Variants in CASP5 observed in about 807,000 individuals in gnomAD.
CASP5 encodes caspase-5.
Under a neutral mutation model 45.2 loss-of-function variants are expected in CASP5, and 42 were observed. The ratio of observed to expected loss-of-function variants is 0.93; its 90% CI spans 0.73 to 1.20. The LOEUF (loss-of-function observed/expected upper bound fraction) is 1.20. Among genes scored for constraint, CASP5 ranks in the 50% most tolerant of loss-of-function variants. The pLI is 0.00. For synonymous variants in CASP5, 209 were observed against 186.2 expected, an observed-to-expected ratio of 1.12 and a Z score of -1.00; for missense variants, 512 against 532.2, an observed-to-expected ratio of 0.96 and a Z score of 0.37.
chr11:105,020,241 T>G (rs1421044179), intron 1 of CASP5, among the ~76,000 whole-genome samples: 9 of 149,946 alleles, frequency 6.0e-5, no homozygotes, highest in East Asian at 2.0e-4. Flanking sequence ...CTTTGAAAAC[T>G]GGCACAAGAC....
chr11:105,020,725 C>T (rs549366172), intron 1 of CASP5, among the ~76,000 whole-genome samples: 5 of 152,126 alleles, frequency 3.3e-5, no homozygotes, highest in East Asian at 3.9e-4. Flanking sequence ...GAAAAATGGC[C>T]ATACTGCCCA....
At chr11:105,000,537 C>G (rs1226710971) in intron 5 of CASP5, 42 bp from the exon 6 acceptor site, 3 of 1,556,046 alleles carry the variant, frequency 1.9e-6, no homozygotes, top group Non-Finnish European at 2.7e-6. Context: ...AGAAGCATCA[C>G]AATTAATAGG....
intron 1 of CASP5, among the ~76,000 whole-genome samples, chr11:105,013,059 A>T (rs1484560615): frequency 1.3e-5 from 2 of 152,140 alleles, no homozygotes; most frequent in Middle Eastern, 3.4e-3. Flanking sequence ...TGGAGAAAGT[A>T]TCATAATGCA....
intron 1 of CASP5, among the ~76,000 whole-genome samples, chr11:105,021,033 A>C (rs960192361): frequency 2.6e-5 from 4 of 152,108 alleles, no homozygotes; most frequent in African/African-American, 9.7e-5. Context: ...ATCTTTGACA[A>C]ACCTGAGACA....
intron 3 of CASP5, among the ~76,000 whole-genome samples, chr11:105,004,171 T>C (rs1861890596): frequency 6.6e-6 from 1 of 152,172 alleles, no homozygotes; most frequent in Non-Finnish European, 1.5e-5. Flanking sequence ...AAAGGTTGTC[T>C]AGTGACAACA....
intron 2 of CASP5, 22 bp from the exon 3 acceptor site, chr11:105,007,356 C>A (rs1565385983): frequency 6.3e-7 from 1 of 1,583,312 alleles, no homozygotes; most frequent in East Asian, 2.2e-5. Flanking sequence ...AGAAAGACTC[C>A]TTTAACTATG....
Position 105,007,182 on chromosome 11 carries a change from C to A in CASP5, c.334G>T (p.Ala112Ser), listed in dbSNP as rs776723250. Residue 112 changes from alanine to serine, a missense_variant, in exon 3 of 10, where the codon GCC becomes TCC. Physicochemically the swap from Ala to Ser is moderately conservative, Grantham distance 99. Coordinates refer to ENST00000260315, the MANE Select transcript of CASP5 (RefSeq NM_004347.5). Reference protein sequence around the residue: ...KYYDTKIEDKALILVDSLRKN... With the variant: ...KYYDTKIEDKSLILVDSLRKN... ...CGCAAAGAGTCTACCAAGATCAGGG[C>A]CTTGTCTTCAATTTTGGTATCATAA... 6.2e-7 allele frequency: 1 copy of A among 1,613,796 alleles called. No homozygotes were observed. Among genetic ancestry groups the A allele is most frequent in the Non-Finnish European group, 8.5e-7 (1 of 1,179,776 alleles).
chr11:105,007,598 C>T (rs905815533), intron 2 of CASP5, among the ~76,000 whole-genome samples: 4 of 151,982 alleles, frequency 2.6e-5, no homozygotes, highest in Non-Finnish European at 4.4e-5. Context: ...GGGAATAATG[C>T]TAATTTCCTG....
chr11:105,007,044 GA>G lies in CASP5; in HGVS notation c.433+38del, dbSNP rs750472436. 1.9e-6 allele frequency: 3 copies of G among 1,565,782 alleles called. No individual in the cohort carries two copies. In the African/African-American group the frequency reaches 4.1e-5, roughly 21 times the overall value. On this transcript the variant is annotated intron_variant, in intron 3 of 9. Coordinates refer to ENST00000260315, the MANE Select transcript of CASP5 (RefSeq NM_004347.5). The stretch of plus-strand genomic sequence containing the variant: ...GGGCCTTGGAGTTGAATATATTCTG[GA>G]AAATTTAACATATTTATCGTGTTAG...
chr11:105,014,841 C>T (rs1378705835), intron 1 of CASP5, among the ~76,000 whole-genome samples: 12 of 152,064 alleles, frequency 7.9e-5, no homozygotes, highest in Admixed American at 1.3e-4. Flanking sequence ...ATTTAAATAA[C>T]GAGCAGATGC....
At chr11:105,017,297 G>A (rs1160741188) in intron 1 of CASP5, among the ~76,000 whole-genome samples, 2 of 152,242 alleles carry the variant, frequency 1.3e-5, no homozygotes, top group African/African-American at 4.8e-5. Context: ...ACGGAACAAA[G>A]CTGGATGGAG....
At chr11:104,996,169 AT>A (rs1287687171) in intron 8 of CASP5, among the ~76,000 whole-genome samples, 2 of 152,180 alleles carry the variant, frequency 1.3e-5, no homozygotes, top group Non-Finnish European at 2.9e-5. Flanking sequence ...GATATGGAAG[AT>A]TTAGTACTTT....
At chr11:104,996,691 G>C (rs921305274) in intron 8 of CASP5, among the ~76,000 whole-genome samples, 4 of 152,040 alleles carry the variant, frequency 2.6e-5, no homozygotes, top group African/African-American at 9.7e-5. Flanking sequence ...GCAAATCCCC[G>C]CCATCCTGAA....
intron 1 of CASP5, among the ~76,000 whole-genome samples, chr11:105,009,922 C>T (rs11226581): frequency 8.3e-6 from 1 of 119,998 alleles, no homozygotes. Flanking sequence ...TATATATATA[C>T]ACACATACAC....
intron 6 of CASP5, among the ~76,000 whole-genome samples, chr11:104,999,735 A>G (rs1042631410): frequency 4.6e-5 from 7 of 152,220 alleles, no homozygotes; most frequent in Non-Finnish European, 1.0e-4. Context: ...AAAACAAAAT[A>G]TACATCCCAA....
chr11:105,008,843 C>A lies in CASP5; in HGVS notation c.145G>T (p.Val49Leu). 1 of 1,613,038 alleles carries A rather than the reference C, an allele frequency of 6.2e-7. No homozygotes were observed. Among genetic ancestry groups the A allele is most frequent in the Non-Finnish European group, 8.5e-7 (1 of 1,179,322 alleles). ...GTCGACTTTTGATCCGTATTAGGTACTAGGGTCTGGATAGATGTTTGTCCA... is the reference window on the plus strand; with the variant it reads ...GTCGACTTTTGATCCGTATTAGGTAATAGGGTCTGGATAGATGTTTGTCCA... The part of the protein sequence containing the change: ...VAGQTSIQTL[V>L]PNTDQKSTSV... The change falls in exon 2 of 10, where the codon GTA (valine) becomes TTA (leucine). Residue 49 changes from valine to leucine, a missense_variant. Coordinates refer to ENST00000260315, the MANE Select transcript of CASP5 (RefSeq NM_004347.5).
intron 5 of CASP5, among the ~76,000 whole-genome samples, chr11:105,001,374 G>A (rs1032932088): frequency 6.6e-6 from 1 of 152,172 alleles, no homozygotes; most frequent in Non-Finnish European, 1.5e-5. Flanking sequence ...TGTTTTAAGA[G>A]TGCATTCCTG....
intron 1 of CASP5, among the ~76,000 whole-genome samples, chr11:105,021,981 T>C (rs879362648): frequency 1.3e-3 from 201 of 151,068 alleles, no homozygotes; most frequent in Non-Finnish European, 2.5e-3. Context: ...TATGCAGCCA[T>C]AAAAAATGAT....
chr11:105,018,067 G>A (rs1303724742), intron 1 of CASP5, among the ~76,000 whole-genome samples: 1 of 151,096 alleles, frequency 6.6e-6, no homozygotes, highest in Non-Finnish European at 1.5e-5. Context: ...AGCTTCATAA[G>A]TGAAGGAGAA....
Sources: gnomAD v4.1 joint callset for allele counts (sites outside exome capture counted in the v4.1 genomes callset) on GRCh38, gnomAD v4.1.1 for gene constraint, MANE v1.5 for transcripts, NCBI Gene and HGNC (gene_info 2026-07-23, HGNC 2026-07-21) for gene names.